Variants in C1QTNF7 observed in about 807,000 individuals in gnomAD.
C1QTNF7 encodes C1q and TNF related 7, also known as complement C1q tumor necrosis factor-related protein 7.
A neutral mutation model predicts 19.6 loss-of-function variants in C1QTNF7; 15 were observed. That is an observed-to-expected ratio of 0.76 (90% confidence interval 0.51 to 1.18). C1QTNF7 has a LOEUF of 1.18. Among genes scored for constraint, C1QTNF7 ranks in the 50% most tolerant of loss-of-function variants. C1QTNF7 has a pLI of 0.00. For synonymous variants in C1QTNF7, 142 were observed against 137.5 expected, an observed-to-expected ratio of 1.03 and a Z score of -0.23; for missense variants, 324 against 359.7, an observed-to-expected ratio of 0.90 and a Z score of 0.80.
At chr4:15,437,055 G>A (rs530855745) in intron 2 of C1QTNF7, among the ~76,000 whole-genome samples, 1 of 152,266 alleles carries the variant, frequency 6.6e-6, no homozygotes, top group Admixed American at 6.5e-5. Flanking sequence ...CTTTAATTTG[G>A]AGCTAAAATG....
At chr4:15,361,849 T>C (rs1343146203) in intron 1 of C1QTNF7, among the ~76,000 whole-genome samples, 3 of 152,034 alleles carry the variant, frequency 2.0e-5, no homozygotes, top group African/African-American at 7.2e-5. Flanking sequence ...GCCAAAAGGA[T>C]CTTTGGGAGG....
At chr4:15,401,062 C>T (rs1038375602) in intron 1 of C1QTNF7, among the ~76,000 whole-genome samples, 2 of 152,304 alleles carry the variant, frequency 1.3e-5, no homozygotes, top group East Asian at 3.9e-4. Flanking sequence ...GAAATACTAG[C>T]GGGCGCACCC....
intron 1 of C1QTNF7, among the ~76,000 whole-genome samples, chr4:15,350,320 G>T: frequency 4.0e-5 from 1 of 25,076 alleles, no homozygotes; most frequent in Non-Finnish European, 6.6e-5. Flanking sequence ...GGGAGGGAAG[G>T]AAGGAGGAAA....
intron 1 of C1QTNF7, among the ~76,000 whole-genome samples, chr4:15,342,589 C>A (rs1181708787): frequency 6.6e-6 from 1 of 152,150 alleles, no homozygotes; most frequent in Admixed American, 6.5e-5. Context: ...TTGAACTAGA[C>A]CTTGAAAGAT....
intron 1 of C1QTNF7, among the ~76,000 whole-genome samples, chr4:15,394,401 T>C (rs1718701395): frequency 6.6e-6 from 1 of 152,256 alleles, no homozygotes. Context: ...TGCAGAATGC[T>C]AGGCAGAGAA....
At chr4:15,385,542 A>C (rs1351882054) in intron 1 of C1QTNF7, among the ~76,000 whole-genome samples, 4 of 152,356 alleles carry the variant, frequency 2.6e-5, no homozygotes, top group Admixed American at 6.5e-5. Context: ...CATGAGGCAG[A>C]GACTTGAGGT....
intron 1 of C1QTNF7, among the ~76,000 whole-genome samples, chr4:15,393,583 T>A (rs559036746): frequency 2.0e-5 from 3 of 152,346 alleles, no homozygotes; most frequent in African/African-American, 7.2e-5. Context: ...CATCTTTGCC[T>A]TTAACAGGCT....
At chr4:15,427,233 G>A (rs1357775141), upstream of C1QTNF7, among the ~76,000 whole-genome samples, 1 of 151,980 alleles carries the variant, frequency 6.6e-6, no homozygotes, top group African/African-American at 2.4e-5. Context: ...AAGAATGAGA[G>A]GAAAAGAAAG....
chr4:15,424,496 C>A (rs1276115078), upstream of C1QTNF7, among the ~76,000 whole-genome samples: 1 of 152,172 alleles, frequency 6.6e-6, no homozygotes. Flanking sequence ...GCTCCCCCCA[C>A]CAGCCTCAGA....
At chr4:15,440,580 G>A (rs908072985) in intron 2 of C1QTNF7, among the ~76,000 whole-genome samples, 2 of 151,806 alleles carry the variant, frequency 1.3e-5, no homozygotes, top group African/African-American at 4.8e-5. Context: ...GCTAATTTTT[G>A]TATTTTTAGT....
chr4:15,341,055 ATTCCAGGTGCAAAAAACTAGAT>A (rs1445127401), intron 1 of C1QTNF7, among the ~76,000 whole-genome samples: 1 of 152,206 alleles, frequency 6.6e-6, no homozygotes, highest in Non-Finnish European at 1.5e-5. Context: ...CTGAGGCACA[ATTCCAGGTGCAAAAAACTAGAT>A]TGTCACAGAA....
At chr4:15,360,216 G>A (rs1717288391) in intron 1 of C1QTNF7, among the ~76,000 whole-genome samples, 1 of 113,560 alleles carries the variant, frequency 8.8e-6, no homozygotes, top group South Asian at 2.8e-4. Flanking sequence ...TGGGTTCTAT[G>A]GGTAAACTAA....
intron 1 of C1QTNF7, among the ~76,000 whole-genome samples, chr4:15,365,158 T>G (rs73799812): frequency 0.021 from 3,153 of 152,184 alleles, 95 homozygotes; most frequent in African/African-American, 0.072. Flanking sequence ...ACCATATATA[T>G]GTTCATACAT....
rs1712897162 is a variant in C1QTNF7 at position 15,444,040 on chromosome 4, C to T, written c.*1241C>T. 2 of 152,220 alleles carry T rather than the reference C, an allele frequency of 1.3e-5. No individual in the cohort carries two copies. The highest frequency in any genetic ancestry group is 4.1e-4 in the South Asian group (2 of 4,828). 9.4% of individuals were successfully genotyped at this position (152,220 alleles called of 1,614,324 possible). On this transcript the variant is annotated 3_prime_UTR_variant, in exon 3 of 3. Transcript: ENST00000444304. ...GCTTGTGTCAGCACCTTGTTCTTCA[C>T]TGAACTGCAATTCTTCAATTATTCT...
chr4:15,420,826 C>CTTT lies in C1QTNF7; in HGVS notation c.14-14883_14-14881dup, dbSNP rs61609914. ...CTAGGGTAACATTCCACTGCTTTGTCTTTTTTTTTTTTTTTTTTTTTTTTT... is the reference window on the plus strand; with the variant it reads ...CTAGGGTAACATTCCACTGCTTTGTCTTTTTTTTTTTTTTTTTTTTTTTTTTTT... On this transcript the variant is annotated intron_variant, in intron 1 of 2. Coordinates refer to the C1QTNF7 transcript ENST00000295297. Among the ~76,000 whole-genome samples, 111 of 66,240 alleles carry CTTT rather than the reference C, an allele frequency of 1.7e-3. 14 individuals carry two copies. Among genetic ancestry groups the CTTT allele is most frequent in the South Asian group, 8.4e-3 (10 of 1,190 alleles). The allele number at this position is 66,240 out of a possible 152,430, so 43.5% of individuals were successfully genotyped here.
At chr4:15,406,056 C>A (rs1475319677) in intron 1 of C1QTNF7, among the ~76,000 whole-genome samples, 1 of 152,226 alleles carries the variant, frequency 6.6e-6, no homozygotes, top group Non-Finnish European at 1.5e-5. Context: ...TAGCTACCCA[C>A]CCCTTCTCCA....
At chr4:15,381,279 T>C (rs1718132103) in intron 1 of C1QTNF7, among the ~76,000 whole-genome samples, 1 of 151,648 alleles carries the variant, frequency 6.6e-6, no homozygotes, top group Non-Finnish European at 1.5e-5. Context: ...TAGCCAGGCA[T>C]GGTGGTGGGT....
intron 1 of C1QTNF7, chr4:15,373,734 G>T (rs1717817552): frequency 6.6e-6 from 1 of 152,062 alleles, no homozygotes; most frequent in East Asian, 1.9e-4. Context: ...ATCTAATCTT[G>T]ACCTGGATTT....
chr4:15,420,863 C>G (rs1039230667), intron 1 of C1QTNF7, among the ~76,000 whole-genome samples: 3 of 117,888 alleles, frequency 2.5e-5, no homozygotes, highest in African/African-American at 9.4e-5. Flanking sequence ...TTTACCAAAC[C>G]TCAGTGCTCA....
Sources: gnomAD v4.1 joint callset for allele counts (sites outside exome capture counted in the v4.1 genomes callset) on GRCh38, gnomAD v4.1.1 for gene constraint, MANE v1.5 for transcripts, NCBI Gene and HGNC (gene_info 2026-07-23, HGNC 2026-07-21) for gene names.